The following FOXP2 variants were observed in gnomAD, a reference collection of about 807,000 sequenced individuals.
FOXP2 encodes forkhead box protein P2.
FOXP2 carries 12 observed loss-of-function variants against 115.8 expected under a neutral mutation model. The ratio of observed to expected loss-of-function variants is 0.10; its 90% CI spans 0.07 to 0.17. The LOEUF (loss-of-function observed/expected upper bound fraction) is 0.17, where lower values mean the gene tolerates loss of function less well. Ranked by LOEUF, FOXP2 falls within the 10% of genes least tolerant of loss-of-function variation. The probability of loss-of-function intolerance (pLI) is 1.00; values close to 1 mark genes in which losing one functional copy is unlikely to be tolerated. For synonymous variants in FOXP2, 328 were observed against 297.7 expected, an observed-to-expected ratio of 1.10 and a Z score of -1.05; for missense variants, 629 against 843.5, an observed-to-expected ratio of 0.75 and a Z score of 3.15.
intron 1 of FOXP2, among the ~76,000 whole-genome samples, chr7:114,148,825 T>C (rs1185202917): frequency 6.6e-6 from 1 of 152,188 alleles, no homozygotes; most frequent in African/African-American, 2.4e-5. Flanking sequence ...ATATGCCACA[T>C]CTGTCTTCTT....
intron 1 of FOXP2, among the ~76,000 whole-genome samples, chr7:114,267,403 A>G (rs1392019592): frequency 1.3e-5 from 2 of 152,118 alleles, no homozygotes; most frequent in African/African-American, 2.4e-5. Flanking sequence ...TCGCTCTTAC[A>G]TGAATATGTT....
intron 16 of FOXP2, chr7:114,669,295 G>A (rs1395868446): frequency 2.0e-5 from 3 of 151,920 alleles, no homozygotes; most frequent in African/African-American, 4.8e-5. Context: ...AAAGCCAGGC[G>A]ACATTGTATA....
chr7:114,447,220 G>A (rs984359700), intron 2 of FOXP2, among the ~76,000 whole-genome samples: 2 of 151,910 alleles, frequency 1.3e-5, no homozygotes, highest in African/African-American at 2.4e-5. Context: ...CCGAATTGCC[G>A]TCACCAGTTT....
chr7:114,510,225 A>G (rs1245061707), intron 2 of FOXP2, among the ~76,000 whole-genome samples: 1 of 152,148 alleles, frequency 6.6e-6, no homozygotes. Flanking sequence ...TTTTCATCTC[A>G]GTGTAATTGA....
intron 3 of FOXP2, among the ~76,000 whole-genome samples, chr7:114,598,585 A>G (rs1480110061): frequency 2.0e-5 from 3 of 151,980 alleles, no homozygotes; most frequent in South Asian, 2.1e-4. Flanking sequence ...TATCTTTTCT[A>G]AAGTCACCTT....
chr7:114,110,917 T>G (rs1791251833), intron 1 of FOXP2, among the ~76,000 whole-genome samples: 1 of 152,154 alleles, frequency 6.6e-6, no homozygotes, highest in Non-Finnish European at 1.5e-5. Context: ...GAATCCTCCA[T>G]AAGCATTCAT....
At chr7:114,374,910 G>A (rs1471550849) in intron 2 of FOXP2, among the ~76,000 whole-genome samples, 1 of 152,154 alleles carries the variant, frequency 6.6e-6, no homozygotes, top group Admixed American at 6.5e-5. Flanking sequence ...GGGTTGCTCA[G>A]GAGAGTTTCC....
rs192616959 is a variant in FOXP2 at position 114,114,582 on chromosome 7, T to C, written c.-247+26744T>C. ...GATTTCTGTTTGTTTTTTTTCTCCATTGTGCCATAGATGAATGTTTTGAAC... is the reference window on the plus strand; with the variant it reads ...GATTTCTGTTTGTTTTTTTTCTCCACTGTGCCATAGATGAATGTTTTGAAC... On this transcript the variant is annotated intron_variant, in intron 1 of 19. Coordinates refer to the FOXP2 transcript ENST00000635638. 3.9e-5 allele frequency among the ~76,000 whole-genome samples: 6 copies of C among 152,240 alleles called. No homozygotes were observed. The East Asian group carries it at 1.2e-3, about 29-fold the overall frequency.
chr7:114,671,062 C>A (rs1370147788), intron 16 of FOXP2, among the ~76,000 whole-genome samples: 1 of 151,928 alleles, frequency 6.6e-6, no homozygotes, highest in South Asian at 2.1e-4. Context: ...GGTCCTCTTA[C>A]AATTTTTCTT....
At chr7:114,390,421 T>C (rs1479449141) in intron 2 of FOXP2, among the ~76,000 whole-genome samples, 1 of 152,166 alleles carries the variant, frequency 6.6e-6, no homozygotes, top group Non-Finnish European at 1.5e-5. Context: ...TATCAAAAAG[T>C]TGGACTTCAC....
chr7:114,563,003 G>A (rs1800827241), intron 3 of FOXP2, among the ~76,000 whole-genome samples: 1 of 152,164 alleles, frequency 6.6e-6, no homozygotes, highest in Non-Finnish European at 1.5e-5. Context: ...GTGGAAGGAA[G>A]AGGAGGAGTA....
At chr7:114,387,631 C>A (rs906434888) in intron 2 of FOXP2, among the ~76,000 whole-genome samples, 2 of 151,804 alleles carry the variant, frequency 1.3e-5, no homozygotes, top group Admixed American at 1.3e-4. Context: ...TTAGCAAGCT[C>A]AATAGACACA....
chr7:114,187,978 C>T (rs1487490403), intron 1 of FOXP2, among the ~76,000 whole-genome samples: 1 of 152,116 alleles, frequency 6.6e-6, no homozygotes, highest in Admixed American at 6.6e-5. Context: ...GGCCTAATCA[C>T]CTCTTAAAGG....
chr7:114,101,830 T>C (rs1264168346), intron 1 of FOXP2, among the ~76,000 whole-genome samples: 1 of 152,020 alleles, frequency 6.6e-6, no homozygotes, highest in Non-Finnish European at 1.5e-5. Context: ...TGACTCATTG[T>C]CCTCATTAAT....
At chr7:114,142,525 C>T (rs1792246277) in intron 1 of FOXP2, among the ~76,000 whole-genome samples, 1 of 151,982 alleles carries the variant, frequency 6.6e-6, no homozygotes, top group Non-Finnish European at 1.5e-5. Context: ...GAATAATTTC[C>T]AGAAGGTCCA....
intron 1 of FOXP2, chr7:114,285,541 A>G (rs1405719395): frequency 6.6e-6 from 1 of 152,122 alleles, no homozygotes; most frequent in Non-Finnish European, 1.5e-5. Flanking sequence ...GAGCATAAAG[A>G]ACATAGACAT....
chr7:114,644,021 G>A (rs772445632), intron 7 of FOXP2, among the ~76,000 whole-genome samples: 11 of 152,092 alleles, frequency 7.2e-5, no homozygotes, highest in Admixed American at 5.2e-4. Context: ...GGTTTTATTA[G>A]TATAAAGTGG....
chr7:114,276,282 C>T (rs745617280), intron 1 of FOXP2, among the ~76,000 whole-genome samples: 6 of 152,088 alleles, frequency 3.9e-5, no homozygotes, highest in South Asian at 4.1e-4. Flanking sequence ...CTCAGCCTCC[C>T]GAGTAGCTGG....
intron 2 of FOXP2, among the ~76,000 whole-genome samples, chr7:114,404,423 A>G (rs1036988943): frequency 3.3e-5 from 5 of 152,116 alleles, no homozygotes; most frequent in African/African-American, 1.2e-4. Context: ...TTTATTGAGC[A>G]TGATCAGATA....
Sources: gnomAD v4.1 joint callset for allele counts (sites outside exome capture counted in the v4.1 genomes callset) on GRCh38, gnomAD v4.1.1 for gene constraint, MANE v1.5 for transcripts, NCBI Gene and HGNC (gene_info 2026-07-23, HGNC 2026-07-21) for gene names.